LOXHD1: variants seen among roughly 807,000 people sequenced by gnomAD.
LOXHD1 encodes lipoxygenase homology domain-containing protein 1.
LOXHD1 carries 205 observed loss-of-function variants against 248.2 expected under a neutral mutation model. That is an observed-to-expected ratio of 0.83 (90% CI 0.74 to 0.93). LOXHD1 has a LOEUF of 0.93. Ranked by LOEUF, LOXHD1 falls within the 40% of genes least tolerant of loss-of-function variation. The pLI, the probability that LOXHD1 is intolerant of heterozygous loss-of-function variation, is 0.00. For synonymous variants in LOXHD1, 1,113 were observed against 1,162.8 expected (o/e 0.96, Z 0.87); for missense variants, 2,930 against 2,971.6 (o/e 0.99, Z 0.33).
chr18:46,575,798 T>C (rs916391845), intron 14 of LOXHD1, among the ~76,000 whole-genome samples: 3 of 152,140 alleles, frequency 2.0e-5, no homozygotes, highest in Admixed American at 2.0e-4. Context: ...CATGAACACA[T>C]GCCGTCATCA....
chr18:46,529,382 A>T (rs1313343939), intron 28 of LOXHD1, 51 bp from the exon 29 acceptor site: 15 of 1,501,490 alleles, frequency 1.0e-5, no homozygotes, highest in Middle Eastern at 1.7e-4. Context: ...AAAGGGTGAC[A>T]GCGCTTTAGG....
chr18:46,640,870 G>C (rs1029863389), intron 3 of LOXHD1, among the ~76,000 whole-genome samples: 1 of 152,102 alleles, frequency 6.6e-6, no homozygotes, highest in Non-Finnish European at 1.5e-5. Context: ...ACCTCACTTT[G>C]CATCAAACAT....
intron 17 of LOXHD1, among the ~76,000 whole-genome samples, chr18:46,564,357 T>C (rs1209836454): frequency 6.6e-6 from 1 of 151,968 alleles, no homozygotes; most frequent in Non-Finnish European, 1.5e-5. Context: ...GATCCCCATC[T>C]CTACAAAAAT....
At chr18:46,572,808 G>T (rs2037779918) in intron 14 of LOXHD1, among the ~76,000 whole-genome samples, 1 of 151,916 alleles carries the variant, frequency 6.6e-6, no homozygotes, top group South Asian at 2.1e-4. Context: ...TGGATCACGA[G>T]GTCAGGAGAT....
intron 35 of LOXHD1, among the ~76,000 whole-genome samples, chr18:46,508,106 G>A (rs940904570): frequency 6.6e-6 from 1 of 152,204 alleles, no homozygotes; most frequent in Non-Finnish European, 1.5e-5. Flanking sequence ...TTAGTCCTTG[G>A]TGTGGGCACC....
chr18:46,572,311 C>T (rs2037768185), intron 14 of LOXHD1, 149 bp from the exon 15 acceptor site: 1 of 750,630 alleles, frequency 1.3e-6, no homozygotes, highest in Admixed American at 2.1e-5. Flanking sequence ...GCAAAACATC[C>T]TAGCCTGGAG....
At chr18:46,594,277 G>C (rs978421342) in intron 9 of LOXHD1, 54 bp downstream of exon 9, 10 of 1,547,602 alleles carry the variant, frequency 6.5e-6, no homozygotes, top group Non-Finnish European at 8.7e-6. Flanking sequence ...TGACATTCTG[G>C]CCTCTGCTGA....
chr18:46,478,967 G>A (rs963991116), intron 40 of LOXHD1, among the ~76,000 whole-genome samples: 1 of 152,102 alleles, frequency 6.6e-6, no homozygotes, highest in Non-Finnish European at 1.5e-5. Context: ...CAAAGCACTA[G>A]GATTACAGGT....
At chr18:46,493,894 T>C (rs567150675) in intron 37 of LOXHD1, among the ~76,000 whole-genome samples, 2 of 152,314 alleles carry the variant, frequency 1.3e-5, no homozygotes, top group African/African-American at 4.8e-5. Context: ...CTGACTCCAA[T>C]CATCTTATCT....
In LOXHD1 at chr18:46,560,345, C is replaced by A. The variant is rs921863099; in HGVS notation, c.2799G>T (p.Lys933Asn). The A allele has an allele frequency of 3.2e-6, 5 of 1,552,354 alleles. No individual in the cohort carries two copies. The highest frequency in any genetic ancestry group is 2.0e-5 in the Admixed American group (1 of 51,034). The change falls in exon 19 of 41, where the codon AAG becomes AAT. Residue 933 changes from lysine (K) to asparagine (N), a missense_variant. Coordinates refer to ENST00000642948, the MANE Select transcript of LOXHD1 (RefSeq NM_001384474.1). ...LRQLLKKERL[K>N]AKLQRKKKKR... is the part of the protein sequence containing the mutation. Reference sequence around the variant, plus strand: ...TCTTCTTCTTCCTCTGCAGCTTGGCCTTCAGCCGCTCCTTCTTGAGCAGCT... The same window carrying A: ...TCTTCTTCTTCCTCTGCAGCTTGGCATTCAGCCGCTCCTTCTTGAGCAGCT...
rs1426051715 is a variant in LOXHD1 at position 46,579,652 on chromosome 18, G to GT, written c.1786dup (p.Thr596AsnfsTer5). 1.3e-6 allele frequency: 2 copies of GT among 1,551,594 alleles called. No homozygotes were observed. Among genetic ancestry groups the GT allele is most frequent in the Non-Finnish European group, 1.7e-6 (2 of 1,147,000 alleles). On this transcript the variant is annotated frameshift_variant, in exon 13 of 41. Transcript: ENST00000642948. LOFTEE classifies it high-confidence loss of function. ...TACATTGCCCTTTTCAAACAGGTCT[G>GT]TGTTATTCCTGCAGTTGTAGAGCAG...
chr18:46,585,390 T>G (rs2038040566), intron 12 of LOXHD1, among the ~76,000 whole-genome samples: 1 of 152,196 alleles, frequency 6.6e-6, no homozygotes, highest in Non-Finnish European at 1.5e-5. Flanking sequence ...ATATTTCTAT[T>G]CTTTTGCAAT....
chr18:46,566,177 C>T (rs2037635861), intron 17 of LOXHD1, 80 bp downstream of exon 17: 2 of 1,438,104 alleles, frequency 1.4e-6, no homozygotes, highest in African/African-American at 2.8e-5. Context: ...ACCTGCTTTG[C>T]CCCATGGTCC....
At chr18:46,542,273 GAA>G in intron 24 of LOXHD1, among the ~76,000 whole-genome samples, 1 of 152,158 alleles carries the variant, frequency 6.6e-6, no homozygotes, top group Admixed American at 6.5e-5. Context: ...GCTTCAAACA[GAA>G]CTCAGGGATG....
intron 11 of LOXHD1, 115 bp downstream of exon 11, chr18:46,592,383 T>C: frequency 1.1e-6 from 1 of 885,156 alleles, no homozygotes. Context: ...ATAACCCTTT[T>C]CAGTCCCTAT....
intron 40 of LOXHD1, 113 bp from the exon 41 acceptor site, chr18:46,478,065 G>T: frequency 7.4e-7 from 1 of 1,355,326 alleles, no homozygotes; most frequent in Non-Finnish European, 9.9e-7. Context: ...CCAAGGTGAT[G>T]GGATATTGGA....
At chr18:46,594,759 C>T (rs752751468) in intron 8 of LOXHD1, among the ~76,000 whole-genome samples, 1 of 152,228 alleles carries the variant, frequency 6.6e-6, no homozygotes, top group Non-Finnish European at 1.5e-5. Context: ...ATCATAAATT[C>T]TCAGTTAATC....
At chr18:46,499,184 T>G (rs1269588215) in intron 37 of LOXHD1, among the ~76,000 whole-genome samples, 6 of 152,216 alleles carry the variant, frequency 3.9e-5, no homozygotes, top group African/African-American at 1.4e-4. Context: ...GTGTTGTGAG[T>G]GCTAGATATA....
intron 34 of LOXHD1, among the ~76,000 whole-genome samples, chr18:46,513,972 T>C (rs1397120122): frequency 1.3e-5 from 2 of 152,170 alleles, no homozygotes; most frequent in Non-Finnish European, 2.9e-5. Flanking sequence ...CTGAAGTAAC[T>C]GGGACACAAA....
Sources: gnomAD v4.1 joint callset for allele counts (sites outside exome capture counted in the v4.1 genomes callset) on GRCh38, gnomAD v4.1.1 for gene constraint, MANE v1.5 for transcripts, NCBI Gene and HGNC (gene_info 2026-07-23, HGNC 2026-07-21) for gene names.